SNX18: variants seen among roughly 807,000 people sequenced by gnomAD.
The protein encoded by SNX18 is sorting nexin-18.
Under a neutral mutation model 48.7 loss-of-function variants are expected in SNX18, and 35 were observed. The ratio of observed to expected loss-of-function variants is 0.72; its 90% CI spans 0.55 to 0.95. The LOEUF is 0.95. Among genes scored for constraint, SNX18 ranks in the 40% least tolerant of loss-of-function variants. SNX18 has a pLI of 0.00. For synonymous variants in SNX18, 492 were observed against 384.7 expected (o/e 1.28, Z -3.26); for missense variants, 824 against 871.0 (o/e 0.95, Z 0.68).
At chr5:54,646,230 C>G in the SNX18 span, among the ~76,000 whole-genome samples, 1 of 152,186 alleles carries the variant, frequency 6.6e-6, no homozygotes, top group East Asian at 1.9e-4. Context: ...CAAACAAAAT[C>G]CAGATTTTTA....
the SNX18 span, among the ~76,000 whole-genome samples, chr5:54,557,404 T>C: frequency 2.2e-4 from 34 of 152,374 alleles, no homozygotes; most frequent in Middle Eastern, 3.4e-3. Flanking sequence ...AATAGTTGGA[T>C]AATCATACAA....
At chr5:54,537,307 A>G (rs533749104) in intron 1 of SNX18, among the ~76,000 whole-genome samples, 2 of 152,356 alleles carry the variant, frequency 1.3e-5, no homozygotes, top group Admixed American at 1.3e-4. Context: ...GGTTTTTTAA[A>G]GAGTATATTC....
At chr5:54,608,135 A>G in the SNX18 span, among the ~76,000 whole-genome samples, 1 of 152,190 alleles carries the variant, frequency 6.6e-6, no homozygotes, top group African/African-American at 2.4e-5. Context: ...TGTTCCTATC[A>G]GCAATGTTTG....
the SNX18 span, among the ~76,000 whole-genome samples, chr5:54,603,839 G>A: frequency 0.19 from 28,682 of 152,144 alleles, 2,942 homozygotes; most frequent in East Asian, 0.33. Context: ...AACTGGACAA[G>A]GATGTATTGA....
At chr5:54,573,133 T>C in the SNX18 span, among the ~76,000 whole-genome samples, 1 of 152,106 alleles carries the variant, frequency 6.6e-6, no homozygotes, top group South Asian at 2.1e-4. Context: ...AAGATAATAA[T>C]ATCGATTCTT....
chr5:54,542,469 C>T (rs1762489515), intron 1 of SNX18, among the ~76,000 whole-genome samples: 2 of 152,226 alleles, frequency 1.3e-5, no homozygotes, highest in East Asian at 1.9e-4. Context: ...CCCGATGCAA[C>T]GTGAAGTCAG....
chr5:54,539,369 T>A (rs1295744579), intron 1 of SNX18, among the ~76,000 whole-genome samples: 11 of 152,212 alleles, frequency 7.2e-5, no homozygotes, highest in Non-Finnish European at 1.3e-4. Context: ...GTAGTGAAGA[T>A]TAGAAACAGT....
chr5:54,517,941 G>T lies in SNX18; in HGVS notation c.-12G>T. On this transcript the variant is annotated 5_prime_UTR_variant, in exon 1 of 2. Coordinates refer to ENST00000381410, the MANE Select transcript of SNX18 (RefSeq NM_001102575.2). ...GCCGGGAGTCGGGACCGCCAGTCGGGGCGCCGGGACCATGGCGCTGCGCGC... is the reference window on the plus strand; with the variant it reads ...GCCGGGAGTCGGGACCGCCAGTCGGTGCGCCGGGACCATGGCGCTGCGCGC... 1 of 1,500,094 alleles carries T rather than the reference G, an allele frequency of 6.7e-7. No homozygotes were observed. 92.9% of individuals were successfully genotyped at this position (1,500,094 alleles called of 1,614,324 possible).
At chr5:54,635,176 T>A in the SNX18 span, among the ~76,000 whole-genome samples, 1 of 151,726 alleles carries the variant, frequency 6.6e-6, no homozygotes, top group African/African-American at 2.4e-5. Context: ...TCAAAATATA[T>A]TTGTGTTGCT....
intron 1 of SNX18, among the ~76,000 whole-genome samples, chr5:54,542,165 C>T (rs1180483136): frequency 6.6e-6 from 1 of 152,168 alleles, no homozygotes; most frequent in Non-Finnish European, 1.5e-5. Flanking sequence ...ACTACTCATT[C>T]CTAAGAACTC....
chr5:54,617,961 A>G, the SNX18 span, among the ~76,000 whole-genome samples: 1 of 152,184 alleles, frequency 6.6e-6, no homozygotes, highest in Admixed American at 6.5e-5. Context: ...TGCGAGGATT[A>G]TGATGGAGGA....
chr5:54,574,165 C>T, the SNX18 span, among the ~76,000 whole-genome samples: 1 of 152,224 alleles, frequency 6.6e-6, no homozygotes, highest in African/African-American at 2.4e-5. Context: ...GGCTTGACTA[C>T]TTGCACACCT....
chr5:54,577,090 C>T, the SNX18 span, among the ~76,000 whole-genome samples: 66 of 152,250 alleles, frequency 4.3e-4, no homozygotes, highest in Non-Finnish European at 3.4e-4. Context: ...CGTGAGCCAC[C>T]GTGCCCGGCC....
chr5:54,600,962 C>G, the SNX18 span, among the ~76,000 whole-genome samples: 1 of 152,148 alleles, frequency 6.6e-6, no homozygotes, highest in Non-Finnish European at 1.5e-5. Context: ...CCTGCACATC[C>G]TGCACATGTA....
At chr5:54,600,331 G>C in the SNX18 span, among the ~76,000 whole-genome samples, 1 of 152,178 alleles carries the variant, frequency 6.6e-6, no homozygotes, top group East Asian at 1.9e-4. Flanking sequence ...AGAAACAACA[G>C]ATGCTGGCAA....
chr5:54,576,379 C>T, the SNX18 span, among the ~76,000 whole-genome samples: 7 of 152,210 alleles, frequency 4.6e-5, no homozygotes, highest in African/African-American at 1.7e-4. Flanking sequence ...CTCCCCAAGG[C>T]TTAGAGACCT....
At chr5:54,608,448 C>G in the SNX18 span, among the ~76,000 whole-genome samples, 1 of 152,114 alleles carries the variant, frequency 6.6e-6, no homozygotes, top group African/African-American at 2.4e-5. Flanking sequence ...GTTGCCCAAG[C>G]TGGTCTTGAA....
At chr5:54,601,102 G>GTCCATCCATCCA in the SNX18 span, among the ~76,000 whole-genome samples, 2 of 151,330 alleles carry the variant, frequency 1.3e-5, no homozygotes, top group East Asian at 2.0e-4. Context: ...CTGTCCATCT[G>GTCCATCCATCCA]TCCATCCATC....
At chr5:54,646,543 AC>A in the SNX18 span, among the ~76,000 whole-genome samples, 1 of 152,238 alleles carries the variant, frequency 6.6e-6, no homozygotes, top group African/African-American at 2.4e-5. Context: ...TGAAGAATTC[AC>A]AAGTTAGCAA....
Sources: gnomAD v4.1 joint callset for allele counts (sites outside exome capture counted in the v4.1 genomes callset) on GRCh38, gnomAD v4.1.1 for gene constraint, MANE v1.5 for transcripts, NCBI Gene and HGNC (gene_info 2026-07-23, HGNC 2026-07-21) for gene names.